ERAP1: variants seen among roughly 807,000 people sequenced by gnomAD.
ERAP1 encodes the protein endoplasmic reticulum aminopeptidase 1.
Under a neutral mutation model 103.7 loss-of-function variants are expected in ERAP1, and 86 were observed. The ratio of observed to expected loss-of-function variants is 0.83; its 90% confidence interval spans 0.70 to 0.99. The LOEUF is 0.99. ERAP1 is among the 50% of genes least tolerant of loss of function. The pLI is 0.00. For missense variants in ERAP1, 1,009 were observed against 1,128.4 expected, an observed-to-expected ratio of 0.89 and a Z score of 1.52; for synonymous variants, 398 against 402.4, an observed-to-expected ratio of 0.99 and a Z score of 0.13.
chr5:96,783,803 A>G (rs1561673046), intron 14 of ERAP1, 121 bp downstream of exon 14: 11 of 1,025,040 alleles, frequency 1.1e-5, no homozygotes, highest in Non-Finnish European at 1.6e-5. Context: ...CTTTTCCTTA[A>G]TATGTATATA....
chr5:96,794,975 A>T, intron 5 of ERAP1, 67 bp downstream of exon 5: 1 of 1,586,540 alleles, frequency 6.3e-7, no homozygotes, highest in Non-Finnish European at 8.6e-7. Flanking sequence ...GGATGTGCCA[A>T]TTATAATGAC....
the ERAP1 span, chr5:96,903,642 C>T: frequency 1.6e-6 from 2 of 1,245,868 alleles, no homozygotes; most frequent in Non-Finnish European, 2.2e-6. Flanking sequence ...GAATGTTCAA[C>T]ATTGGTCATT....
chr5:96,829,089 G>A, the ERAP1 span, among the ~76,000 whole-genome samples: 3 of 152,076 alleles, frequency 2.0e-5, no homozygotes, highest in Non-Finnish European at 2.9e-5. Context: ...CTTGTGATCC[G>A]CCCGCCTCGG....
chr5:96,763,121 G>A (rs992364705), exon 20 of ERAP1: 20 of 779,288 alleles, frequency 2.6e-5, no homozygotes, highest in South Asian at 4.0e-5. Flanking sequence ...TAACTTTAGC[G>A]AAGTCAGCTA....
chr5:96,839,412 C>T, the ERAP1 span, among the ~76,000 whole-genome samples: 1 of 152,178 alleles, frequency 6.6e-6, no homozygotes, highest in African/African-American at 2.4e-5. Flanking sequence ...TGAGTTATCT[C>T]ATTAGCATAA....
chr5:96,846,763 A>T, the ERAP1 span, among the ~76,000 whole-genome samples: 6 of 152,204 alleles, frequency 3.9e-5, no homozygotes, highest in South Asian at 1.0e-3. Flanking sequence ...GATGCAAAAA[A>T]GTATAAACTC....
At chr5:96,814,191 T>C in the ERAP1 span, 15 of 455,030 alleles carry the variant, frequency 3.3e-5, no homozygotes, top group Non-Finnish European at 1.3e-5. Context: ...CCGTTCCTCA[T>C]TGACTATCGG....
At chr5:96,925,183 A>G in the ERAP1 span, among the ~76,000 whole-genome samples, 3 of 152,262 alleles carry the variant, frequency 2.0e-5, no homozygotes, top group East Asian at 1.9e-4. Flanking sequence ...TTTAAATTTT[A>G]TAATTCACAT....
At chr5:96,861,832 A>G in the ERAP1 span, among the ~76,000 whole-genome samples, 1 of 152,212 alleles carries the variant, frequency 6.6e-6, no homozygotes, top group Non-Finnish European at 1.5e-5. Context: ...GTGACTACAG[A>G]GCAGAGACAA....
chr5:96,820,752 T>C, the ERAP1 span, among the ~76,000 whole-genome samples: 11 of 152,252 alleles, frequency 7.2e-5, no homozygotes, highest in African/African-American at 2.7e-4. Context: ...TTTGATATTG[T>C]CTGTAACCTC....
At chr5:96,795,885 C>G (rs1777293962) in intron 4 of ERAP1, among the ~76,000 whole-genome samples, 1 of 152,130 alleles carries the variant, frequency 6.6e-6, no homozygotes, top group South Asian at 2.1e-4. Context: ...ATCAGATACA[C>G]AAAGAATTCA....
chr5:96,918,375 A>T, the ERAP1 span: 1 of 152,222 alleles, frequency 6.6e-6, no homozygotes, highest in Admixed American at 6.5e-5. Flanking sequence ...TATACAAACT[A>T]TGAAAGGCAA....
At chr5:96,909,743 T>C in the ERAP1 span, 9 of 1,614,066 alleles carry the variant, frequency 5.6e-6, no homozygotes, top group Non-Finnish European at 4.2e-6. Context: ...TCCCAGTGGA[T>C]GGAATCCAGT....
the ERAP1 span, among the ~76,000 whole-genome samples, chr5:96,882,007 A>G: frequency 6.6e-6 from 1 of 152,118 alleles, no homozygotes; most frequent in African/African-American, 2.4e-5. Flanking sequence ...AGCTGTGTCT[A>G]CTACATCCTG....
At chr5:96,859,060 T>TAC in the ERAP1 span, among the ~76,000 whole-genome samples, 1,929 of 144,774 alleles carry the variant, frequency 0.013, 15 homozygotes, top group South Asian at 0.027. Context: ...GCCACATGCA[T>TAC]ACACACACAC....
At chr5:96,807,573 A>AGGGACCGGCAGGGGT (rs1778780344) in intron 1 of ERAP1, among the ~76,000 whole-genome samples, 1 of 152,122 alleles carries the variant, frequency 6.6e-6, no homozygotes, top group African/African-American at 2.4e-5. Context: ...GGACAGGGAC[A>AGGGACCGGCAGGGGT]GGGACCGGCA....
At chr5:96,779,012 C>T (rs183310498) in intron 18 of ERAP1, among the ~76,000 whole-genome samples, 1 of 152,310 alleles carries the variant, frequency 6.6e-6, no homozygotes, top group East Asian at 1.9e-4. Flanking sequence ...ACACAATACT[C>T]CTCTAGATGT....
At chr5:96,897,197 T>C in the ERAP1 span, among the ~76,000 whole-genome samples, 3 of 152,216 alleles carry the variant, frequency 2.0e-5, no homozygotes, top group African/African-American at 7.2e-5. Flanking sequence ...AATTTTAAGG[T>C]TGTCAACTGT....
chr5:96,760,892 A>G (rs1418324184), exon 20 of ERAP1: 1 of 151,944 alleles, frequency 6.6e-6, no homozygotes, highest in African/African-American at 2.4e-5. Flanking sequence ...ACATTCGGAA[A>G]ATAAATGTAT....
Sources: allele counts gnomAD v4.1 joint callset (sites outside exome capture counted in the v4.1 genomes callset), GRCh38; gene constraint gnomAD v4.1.1; transcripts MANE v1.5; gene names NCBI Gene and HGNC (gene_info 2026-07-23, HGNC 2026-07-21).